The following EPHB1 variants were observed in gnomAD, a reference collection of about 807,000 sequenced individuals.
EPHB1 encodes the protein EPH receptor B1.
Under a neutral mutation model 94.4 loss-of-function variants are expected in EPHB1, and 30 were observed. The ratio of observed to expected loss-of-function variants is 0.32; its 90% confidence interval spans 0.24 to 0.43. EPHB1 has a LOEUF of 0.43. EPHB1 is among the 20% of genes least tolerant of loss of function. The probability of loss-of-function intolerance (pLI) is 1.00; values close to 1 mark genes in which losing one functional copy is unlikely to be tolerated. For missense variants in EPHB1, 1,055 were observed against 1,308.3 expected, an observed-to-expected ratio of 0.81 and a Z score of 2.99; for synonymous variants, 522 against 489.1, an observed-to-expected ratio of 1.07 and a Z score of -0.89.
chr3:134,983,037 G>A (rs1368005942), intron 3 of EPHB1, among the ~76,000 whole-genome samples: 1 of 152,138 alleles, frequency 6.6e-6, no homozygotes, highest in Non-Finnish European at 1.5e-5. Context: ...ATCTGGTGCC[G>A]GAGCCTTAGA....
chr3:134,797,897 G>A (rs2108281186), intron 1 of EPHB1, among the ~76,000 whole-genome samples: 1 of 152,314 alleles, frequency 6.6e-6, no homozygotes, highest in East Asian at 1.9e-4. Flanking sequence ...AGTACGCAGG[G>A]ATATTACACA....
chr3:134,926,328 G>C (rs1489378151), intron 2 of EPHB1, among the ~76,000 whole-genome samples: 1 of 152,214 alleles, frequency 6.6e-6, no homozygotes, highest in Non-Finnish European at 1.5e-5. Flanking sequence ...TAACTGGCCA[G>C]CTACAAAAAT....
At chr3:135,019,016 C>CT (rs1351566251) in intron 3 of EPHB1, among the ~76,000 whole-genome samples, 1 of 152,084 alleles carries the variant, frequency 6.6e-6, no homozygotes, top group Non-Finnish European at 1.5e-5. Flanking sequence ...TCAGGGAAGT[C>CT]TGTCTGTGAG....
chr3:134,853,729 C>T (rs116008111), intron 1 of EPHB1, among the ~76,000 whole-genome samples: 321 of 152,258 alleles, frequency 2.1e-3, no homozygotes, highest in African/African-American at 7.5e-3. Context: ...CGTAGCACAG[C>T]AATATTCTTG....
intron 3 of EPHB1, among the ~76,000 whole-genome samples, chr3:135,000,504 G>A (rs112123445): frequency 9.2e-5 from 14 of 152,206 alleles, no homozygotes; most frequent in Middle Eastern, 3.2e-3. Flanking sequence ...AACAGGACCT[G>A]CAAATTGGCT....
intron 3 of EPHB1, among the ~76,000 whole-genome samples, chr3:135,037,015 G>C (rs1297716256): frequency 4.6e-5 from 7 of 152,164 alleles, no homozygotes; most frequent in African/African-American, 9.7e-5. Flanking sequence ...CGAGAAGATA[G>C]ATGGATTGTT....
intron 4 of EPHB1, among the ~76,000 whole-genome samples, chr3:135,118,361 C>T (rs919094667): frequency 3.3e-5 from 5 of 152,196 alleles, no homozygotes; most frequent in Non-Finnish European, 5.9e-5. Flanking sequence ...TAAAGTGTTG[C>T]TACAGTTTAG....
At chr3:134,929,624 G>A (rs2038865628) in intron 2 of EPHB1, among the ~76,000 whole-genome samples, 1 of 152,102 alleles carries the variant, frequency 6.6e-6, no homozygotes, top group African/African-American at 2.4e-5. Flanking sequence ...AGGCGAGGAG[G>A]GACTGGTGTG....
intron 1 of EPHB1, among the ~76,000 whole-genome samples, chr3:134,811,030 C>A (rs1052997436): frequency 6.6e-6 from 1 of 152,022 alleles, no homozygotes; most frequent in Non-Finnish European, 1.5e-5. Context: ...TGGCCCCTCC[C>A]CCTTTCCCAC....
At chr3:134,974,828 C>T (rs1048695723) in intron 3 of EPHB1, among the ~76,000 whole-genome samples, 11 of 151,880 alleles carry the variant, frequency 7.2e-5, no homozygotes, top group African/African-American at 2.4e-4. Flanking sequence ...ATCTCTGATC[C>T]GTGGCAGCAT....
At chr3:135,248,031 C>T (rs1306479500) in intron 13 of EPHB1, among the ~76,000 whole-genome samples, 3 of 152,200 alleles carry the variant, frequency 2.0e-5, no homozygotes, top group Non-Finnish European at 2.9e-5. Flanking sequence ...TTCACTGGCT[C>T]ATTCTTCAAC....
At chr3:135,095,013 G>C (rs1938706758) in intron 3 of EPHB1, among the ~76,000 whole-genome samples, 1 of 152,310 alleles carries the variant, frequency 6.6e-6, no homozygotes, top group South Asian at 2.1e-4. Flanking sequence ...CAGACTTGGG[G>C]TGCAGATGCA....
At chr3:135,029,239 G>A (rs1467447200) in intron 3 of EPHB1, among the ~76,000 whole-genome samples, 1 of 145,276 alleles carries the variant, frequency 6.9e-6, no homozygotes, top group Non-Finnish European at 1.5e-5. Context: ...AGTTAATAGT[G>A]TTATGTGTGA....
At chr3:134,799,339 G>A (rs1183567362) in intron 1 of EPHB1, among the ~76,000 whole-genome samples, 3 of 152,204 alleles carry the variant, frequency 2.0e-5, no homozygotes, top group African/African-American at 4.8e-5. Context: ...GTCCATGAAC[G>A]TGCTTGAGCC....
chr3:134,945,027 T>C (rs1414925541), intron 2 of EPHB1, among the ~76,000 whole-genome samples: 3 of 152,232 alleles, frequency 2.0e-5, no homozygotes, highest in African/African-American at 7.2e-5. Flanking sequence ...CAGCATCTTT[T>C]CATATATTTA....
chr3:135,085,433 T>G (rs553010823), intron 3 of EPHB1, among the ~76,000 whole-genome samples: 1 of 152,336 alleles, frequency 6.6e-6, no homozygotes, highest in African/African-American at 2.4e-5. Context: ...GGAAAGCTTC[T>G]GGAGGGCTGA....
intron 14 of EPHB1, 139 bp from the exon 15 acceptor site, chr3:135,249,197 A>G: frequency 1.0e-6 from 1 of 979,998 alleles, no homozygotes; most frequent in Non-Finnish European, 1.4e-6. Context: ...TGAAGAAGAA[A>G]GGTTCAGCCC....
At chr3:134,929,870 G>A (rs1440319039) in intron 2 of EPHB1, among the ~76,000 whole-genome samples, 2 of 152,332 alleles carry the variant, frequency 1.3e-5, no homozygotes, top group East Asian at 3.9e-4. Flanking sequence ...GGGAGAGCAG[G>A]GGTCCTCCTT....
chr3:135,214,765 C>G (rs1034064759), intron 12 of EPHB1, among the ~76,000 whole-genome samples: 2 of 152,200 alleles, frequency 1.3e-5, no homozygotes, highest in African/African-American at 4.8e-5. Flanking sequence ...CCCTTCCTTT[C>G]ACAAAATTCG....
Sources: gnomAD v4.1 joint callset for allele counts (sites outside exome capture counted in the v4.1 genomes callset) on GRCh38, gnomAD v4.1.1 for gene constraint, MANE v1.5 for transcripts, NCBI Gene and HGNC (gene_info 2026-07-23, HGNC 2026-07-21) for gene names.